USP35: variants seen among roughly 807,000 people sequenced by gnomAD.
The protein encoded by USP35 is ubiquitin specific peptidase 35, also known as ubiquitin carboxyl-terminal hydrolase 35.
USP35 carries 69 observed loss-of-function variants against 83.8 expected under a neutral mutation model. That is an observed-to-expected ratio of 0.82 (90% CI 0.68 to 1.01). USP35 has a LOEUF of 1.01. Ranked by LOEUF, USP35 falls within the 50% of genes least tolerant of loss-of-function variation. USP35 has a pLI of 0.00. For missense variants in USP35, 1,503 were observed against 1,362.5 expected, an observed-to-expected ratio of 1.10 and a Z score of -1.62; for synonymous variants, 714 against 589.5, an observed-to-expected ratio of 1.21 and a Z score of -3.06.
At chr11:78,228,792 A>C in the USP35 span, among the ~76,000 whole-genome samples, 1 of 148,226 alleles carries the variant, frequency 6.7e-6, no homozygotes, top group Non-Finnish European at 1.5e-5. Context: ...ATGATTGAAC[A>C]TCTAGGCTTT....
rs768069558 is a variant in USP35 at position 78,213,739 on chromosome 11, G to A, written c.2983G>A (p.Glu995Lys). The A allele has an allele frequency of 1.3e-6, 2 of 1,539,422 alleles. No individual in the cohort carries two copies. The highest frequency in any genetic ancestry group is 1.7e-6 in the Non-Finnish European group (2 of 1,152,864). Reference sequence around the variant, plus strand: ...GAGGGGCTTTGATGAAGACAAGGATGAGGATGAAGGCTCTCCAGGGGGCTG... The same window carrying A: ...GAGGGGCTTTGATGAAGACAAGGATAAGGATGAAGGCTCTCCAGGGGGCTG... ...WGRGFDEDKD[E>K]DEGSPGGCNP... Residue 995 changes from glutamate (E) to lysine (K), a missense_variant, in exon 11 of 11, where the codon GAG becomes AAG. By Grantham distance (56) the Glu-to-Lys change is moderately conservative. Coordinates refer to ENST00000529308, the MANE Select transcript of USP35 (RefSeq NM_020798.4).
chr11:78,194,106 A>ACCACTGATGTCTGCCATGGTTACAACC (rs144329303), intron 1 of USP35, among the ~76,000 whole-genome samples: 41,330 of 148,750 alleles, frequency 0.28, 6,583 homozygotes, highest in Admixed American at 0.42. Flanking sequence ...GGATTTGGGA[A>ACCACTGATGTCTGCCATGGTTACAACC]CCACTGATGT....
Position 78,210,225 on chromosome 11 carries a change from T to C in USP35, c.2370T>C (p.Asp790=). 1.9e-6 allele frequency: 3 copies of C among 1,613,904 alleles called. No homozygotes were observed. Among genetic ancestry groups the C allele is most frequent in the Non-Finnish European group, 2.5e-6 (3 of 1,180,008 alleles). The change falls in exon 10 of 11, where the codon GAT becomes GAC. Residue 790 remains aspartate (D), a synonymous_variant. Coordinates refer to ENST00000529308, the MANE Select transcript of USP35 (RefSeq NM_020798.4). ...GCGAGTCGTGTGCCTCCCTGCAGGA[T>C]GCCGAGAAGGTGGTGGAGCTGAGCC... ...YYCESCASLQ[D]AEKVVELSQG... is the part of the protein sequence containing the mutation.
intron 1 of USP35, among the ~76,000 whole-genome samples, chr11:78,191,474 T>G (rs1220270419): frequency 6.6e-6 from 1 of 152,180 alleles, no homozygotes; most frequent in Non-Finnish European, 1.5e-5. Context: ...CGTAGTCACC[T>G]TCTATTTGGG....
At chr11:78,236,767 C>T in the USP35 span, among the ~76,000 whole-genome samples, 3 of 38,038 alleles carry the variant, frequency 7.9e-5, no homozygotes, top group African/African-American at 1.2e-4. Context: ...TAATGAATTA[C>T]TTTGATTGTT....
At chr11:78,229,221 A>G in the USP35 span, among the ~76,000 whole-genome samples, 3 of 152,152 alleles carry the variant, frequency 2.0e-5, no homozygotes, top group African/African-American at 7.2e-5. Flanking sequence ...ATGAGCCACA[A>G]CTGGCCAGGC....
rs766067188 is a variant in USP35 at position 78,209,997 on chromosome 11, G to A, written c.2142G>A (p.Glu714=). The change falls in exon 10 of 11, where the codon GAG becomes GAA. Residue 714 remains glutamate, a synonymous_variant. Transcript: ENST00000529308. The part of the protein sequence containing the change: ...GEREKEEEVE[E]EEEKVEKETE... ...GGGAGAAAGAGGAGGAGGTGGAAGA[G>A]GAAGAAGAGAAGGTGGAGAAGGAGA... 6.2e-7 allele frequency: 1 copy of A among 1,613,388 alleles called. No individual in the cohort carries two copies. Among genetic ancestry groups the A allele is most frequent in the East Asian group, 2.2e-5 (1 of 44,872 alleles).
intron 7 of USP35, among the ~76,000 whole-genome samples, chr11:78,206,923 G>A (rs897803541): frequency 6.6e-6 from 1 of 151,936 alleles, no homozygotes; most frequent in African/African-American, 2.4e-5. Context: ...CTAGGAGCCA[G>A]TCTACCCATC....
chr11:78,211,773 C>T (rs991193478), intron 10 of USP35, among the ~76,000 whole-genome samples: 4 of 152,164 alleles, frequency 2.6e-5, no homozygotes, highest in Non-Finnish European at 5.9e-5. Flanking sequence ...TGTTCATGTC[C>T]TTTGCCCACT....
chr11:78,219,579 G>C (rs1280779717), downstream of USP35, among the ~76,000 whole-genome samples: 3 of 152,140 alleles, frequency 2.0e-5, no homozygotes, highest in Admixed American at 6.5e-5. Context: ...TTCTGAATGT[G>C]GGCTTTAAAG....
At chr11:78,222,248 A>T in the USP35 span, 4 of 1,103,808 alleles carry the variant, frequency 3.6e-6, no homozygotes, top group Non-Finnish European at 5.6e-6. Context: ...AATGCTACAC[A>T]TACACACCTT....
the USP35 span, among the ~76,000 whole-genome samples, chr11:78,224,647 C>T: frequency 6.6e-6 from 1 of 152,214 alleles, no homozygotes. Flanking sequence ...TTGCCTGACA[C>T]CTTGGAGAAC....
In USP35 at chr11:78,215,149, A is replaced by T. The variant is rs148700280; in HGVS notation, c.*1336A>T. On this transcript the variant is annotated 3_prime_UTR_variant, in exon 11 of 11. Coordinates refer to ENST00000529308, the MANE Select transcript of USP35 (RefSeq NM_020798.4). ...TAGTATGATTTCCACTTTACAACAG[A>T]CGCTGAGGTAGAGAGCATTTGTTCT... is the stretch of plus-strand genomic sequence containing the variant. 1 of 152,504 alleles carries T rather than the reference A, an allele frequency of 6.6e-6. No homozygotes were observed. The highest frequency in any genetic ancestry group is 2.4e-5 in the African/African-American group (1 of 41,536). The allele number at this position is 152,504 out of a possible 1,614,324, so 9.4% of individuals were successfully genotyped here.
the USP35 span, among the ~76,000 whole-genome samples, chr11:78,232,996 G>A: frequency 6.6e-6 from 1 of 151,006 alleles, no homozygotes; most frequent in Admixed American, 6.6e-5. Context: ...GGAAACACAG[G>A]ATTAAAGTCT....
At chr11:78,223,873 G>A in the USP35 span, among the ~76,000 whole-genome samples, 1 of 152,110 alleles carries the variant, frequency 6.6e-6, no homozygotes, top group Non-Finnish European at 1.5e-5. Context: ...TTGAGGTGAG[G>A]GGTTCGAGAC....
At chr11:78,203,285 C>G (rs569876389) in intron 6 of USP35, among the ~76,000 whole-genome samples, 110 of 152,246 alleles carry the variant, frequency 7.2e-4, no homozygotes, top group Non-Finnish European at 1.4e-3. Flanking sequence ...AAAGGACACT[C>G]TGGATGCATC....
rs1864007246 is a variant in USP35, at chr11:78,214,534, TGTGGGCTCTTA to T, written c.*723_*733del. On this transcript the variant is annotated 3_prime_UTR_variant, in exon 11 of 11. Transcript: ENST00000529308. ...AAAGGTGTTCATGTTCCTTGTGAAGTGTGGGCTCTTAGGAAGCCTGTGGGCTCCTCTGAGCA... is the reference window on the plus strand; with the variant it reads ...AAAGGTGTTCATGTTCCTTGTGAAGTGGAAGCCTGTGGGCTCCTCTGAGCA... 1 of 150,900 alleles carries T rather than the reference TGTGGGCTCTTA, an allele frequency of 6.6e-6. No individual in the cohort carries two copies. The highest frequency in any genetic ancestry group is 2.0e-4 in the East Asian group (1 of 5,014). The allele number at this position is 150,900 out of a possible 1,614,324, so 9.3% of individuals were successfully genotyped here.
intron 10 of USP35, 99 bp from the exon 11 acceptor site, chr11:78,213,547 G>GA (rs1863894290): frequency 7.5e-7 from 1 of 1,341,718 alleles, no homozygotes; most frequent in Non-Finnish European, 9.7e-7. Flanking sequence ...AGGCCCTGGG[G>GA]ACCTAGAGGA....
chr11:78,198,727 C>T, intron 3 of USP35: 1 of 983,308 alleles, frequency 1.0e-6, no homozygotes, highest in Non-Finnish European at 1.2e-6. Flanking sequence ...AGGTAAGTTG[C>T]TAGAGGTCAA....
Sources: allele counts gnomAD v4.1 joint callset (sites outside exome capture counted in the v4.1 genomes callset), GRCh38; gene constraint gnomAD v4.1.1; transcripts MANE v1.5; gene names NCBI Gene and HGNC (gene_info 2026-07-23, HGNC 2026-07-21).